TENT5D: variants seen among roughly 807,000 people sequenced by gnomAD.
TENT5D encodes the protein cancer/testis antigen 112.
For missense variants in TENT5D, 191 were observed against 287.0 expected (o/e 0.67, Z 2.42); for synonymous variants, 103 against 100.6 (o/e 1.02, Z -0.15).
chrX:80,436,025 T>G (rs775374145), intron 1 of TENT5D, among the ~76,000 whole-genome samples: 25 of 111,942 alleles, frequency 2.2e-4, no homozygotes, highest in Admixed American at 2.1e-3. Context: ...GTGAACAACA[T>G]GAGGTCAACT....
intron 3 of TENT5D, among the ~76,000 whole-genome samples, chrX:80,344,676 A>G (rs1319481621): frequency 9.0e-6 from 1 of 111,205 alleles, no homozygotes; most frequent in Non-Finnish European, 1.9e-5. Flanking sequence ...TTCATGGATC[A>G]TAGCAGAAGT....
At chrX:80,338,471 G>A (rs188970968) in intron 2 of TENT5D, among the ~76,000 whole-genome samples, 213 of 112,185 alleles carry the variant, frequency 1.9e-3, no homozygotes, top group Non-Finnish European at 3.0e-3. Flanking sequence ...AACTAATGTG[G>A]AAAATTGTAA....
At chrX:80,416,658 G>A (rs1193502089), upstream of TENT5D, among the ~76,000 whole-genome samples, 1 of 110,533 alleles carries the variant, frequency 9.0e-6, no homozygotes, top group African/African-American at 3.3e-5. Context: ...GTCTGAACAT[G>A]TGGTTGGTAT....
At chrX:80,380,408 TGTG>T (rs1441790728) in intron 3 of TENT5D, among the ~76,000 whole-genome samples, 2 of 111,270 alleles carry the variant, frequency 1.8e-5, no homozygotes, top group African/African-American at 6.6e-5. Flanking sequence ...ATAAGTGTGA[TGTG>T]GTGCTGAGAA....
upstream of TENT5D, among the ~76,000 whole-genome samples, chrX:80,419,336 G>A (rs895225323): frequency 3.6e-5 from 4 of 111,782 alleles, no homozygotes; most frequent in African/African-American, 6.5e-5. Flanking sequence ...AGTCTTAAAT[G>A]TTACTAAAAA....
rs565436482 is a variant in TENT5D, at chrX:80,351,490, A to C, written c.-142+8926A>C. ...ACGAAGTTCTTGTGCTGTGTTTTTC[A>C]GCTCCATCAGATCATTTATTTTCTT... On this transcript the variant is annotated intron_variant, in intron 3 of 4. Coordinates refer to the TENT5D transcript ENST00000538312. 2.8e-5 allele frequency among the ~76,000 whole-genome samples: 3 copies of C among 107,957 alleles called. No individual in the cohort carries two copies. In the South Asian group the frequency reaches 1.2e-3, roughly 44 times the overall value. 93.7% of individuals were successfully genotyped at this position (107,957 alleles called of 115,157 possible).
intron 2 of TENT5D, among the ~76,000 whole-genome samples, chrX:80,440,121 G>T (rs190738632): frequency 5.4e-5 from 6 of 111,742 alleles, no homozygotes; most frequent in Middle Eastern, 4.6e-3. Context: ...TAATTATTAT[G>T]AAATACTAGG....
intron 3 of TENT5D, among the ~76,000 whole-genome samples, chrX:80,358,878 T>A (rs1038211667): frequency 4.5e-5 from 5 of 111,692 alleles, no homozygotes; most frequent in African/African-American, 1.6e-4. Flanking sequence ...GACTAGAACG[T>A]TTAAGGTTTC....
chrX:80,419,394 A>G (rs1931839666), upstream of TENT5D, among the ~76,000 whole-genome samples: 1 of 112,005 alleles, frequency 8.9e-6, no homozygotes, highest in Admixed American at 9.5e-5. Flanking sequence ...AACATTGAGT[A>G]GGTATCTTGT....
intron 3 of TENT5D, among the ~76,000 whole-genome samples, chrX:80,389,228 A>G (rs1044429845): frequency 4.5e-5 from 5 of 110,975 alleles, no homozygotes; most frequent in Non-Finnish European, 9.4e-5. Context: ...GGTTCTTACA[A>G]AGATGCTTTT....
At chrX:80,384,689 C>A (rs1005331910) in intron 3 of TENT5D, among the ~76,000 whole-genome samples, 2 of 103,229 alleles carry the variant, frequency 1.9e-5, no homozygotes, top group African/African-American at 7.1e-5. Flanking sequence ...TTGTCTCAGC[C>A]CAAAATCTCC....
At chrX:80,369,097 G>A (rs537107875) in intron 3 of TENT5D, among the ~76,000 whole-genome samples, 3 of 111,763 alleles carry the variant, frequency 2.7e-5, no homozygotes, top group East Asian at 2.8e-4. Flanking sequence ...ACACATTGTG[G>A]TTATTTTTGC....
chrX:80,371,918 T>G (rs1930630968), intron 3 of TENT5D, among the ~76,000 whole-genome samples: 1 of 111,810 alleles, frequency 8.9e-6, no homozygotes, highest in Non-Finnish European at 1.9e-5. Flanking sequence ...CTTTAATAGC[T>G]TTGTATTTGC....
chrX:80,407,571 C>A (rs1305809865), intron 3 of TENT5D, among the ~76,000 whole-genome samples: 20 of 106,949 alleles, frequency 1.9e-4, no homozygotes, highest in Non-Finnish European at 3.3e-4. Flanking sequence ...TATATATGCA[C>A]CCAATACAGG....
intron 3 of TENT5D, among the ~76,000 whole-genome samples, chrX:80,392,058 C>T (rs1418065352): frequency 8.9e-6 from 1 of 112,226 alleles, no homozygotes; most frequent in Non-Finnish European, 1.9e-5. Flanking sequence ...GAAAGAATTA[C>T]TTCATTTATT....
chrX:80,437,305 A>G (rs769975640), intron 1 of TENT5D, among the ~76,000 whole-genome samples: 1 of 111,974 alleles, frequency 8.9e-6, no homozygotes, highest in African/African-American at 3.2e-5. Context: ...TTATTGGTCC[A>G]CAAGTATCAA....
intron 3 of TENT5D, among the ~76,000 whole-genome samples, chrX:80,359,797 T>A (rs1337358783): frequency 9.0e-6 from 1 of 111,456 alleles, no homozygotes; most frequent in African/African-American, 3.3e-5. Flanking sequence ...TAAAAATTAA[T>A]ACCTGTTTCC....
chrX:80,380,941 G>A (rs937471377), intron 3 of TENT5D, among the ~76,000 whole-genome samples: 7 of 111,555 alleles, frequency 6.3e-5, no homozygotes, highest in African/African-American at 2.3e-4. Flanking sequence ...TTTAATTGGG[G>A]CATTTAGCCC....
In TENT5D at chrX:80,428,967, A is replaced by G. The variant is rs376292944; in HGVS notation, c.-142+8404A>G. ...GCCTGGACTGGGGAGGAGAACAGAA[A>G]GACCAGCTTCAGTGTTTAGAAGGAA... is the stretch of plus-strand genomic sequence containing the variant. On this transcript the variant is annotated intron_variant, in intron 1 of 2. Coordinates refer to ENST00000308293, the Ensembl canonical transcript of TENT5D. Among the ~76,000 whole-genome samples, 14 of 111,835 alleles carry G rather than the reference A, an allele frequency of 1.3e-4. No individual in the cohort carries two copies. In the South Asian group the frequency reaches 5.3e-3, roughly 42 times the overall value.
Sources: gnomAD v4.1 joint callset for allele counts (sites outside exome capture counted in the v4.1 genomes callset) on GRCh38, gnomAD v4.1.1 for gene constraint, MANE v1.5 for transcripts, NCBI Gene and HGNC (gene_info 2026-07-23, HGNC 2026-07-21) for gene names.